Variants in TMEM33 observed in about 807,000 individuals in gnomAD.
TMEM33 encodes transmembrane protein 33.
A neutral mutation model predicts 29.7 loss-of-function variants in TMEM33; 16 were observed. The ratio of observed to expected loss-of-function variants is 0.54; its 90% CI spans 0.36 to 0.82. The LOEUF is 0.82. TMEM33 is among the 40% of genes least tolerant of loss of function. The pLI, the probability that TMEM33 is intolerant of heterozygous loss-of-function variation, is 0.00. For synonymous variants in TMEM33, 112 were observed against 109.4 expected (o/e 1.02, Z -0.15); for missense variants, 252 against 295.3 (o/e 0.85, Z 1.08).
At position 41,958,047 on chromosome 4, in the gene TMEM33, C is replaced by T. The variant is rs1435006493; in HGVS notation, c.*3848C>T. On this transcript the variant is annotated 3_prime_UTR_variant, in exon 7 of 7. Transcript: ENST00000504986. ...TTTGTTTTTGAGACGGAGTTTCACT[C>T]TTGTTGGCCAGGCTGGAGTGCAATG... The T allele has an allele frequency of 6.5e-6, 1 of 152,940 alleles. No individual in the cohort carries two copies. Among genetic ancestry groups the T allele is most frequent in the Admixed American group, 6.5e-5 (1 of 15,282 alleles). 9.5% of individuals were successfully genotyped at this position (152,940 alleles called of 1,614,324 possible).
chr4:41,935,534 G>A lies in TMEM33; in HGVS notation c.45+5G>A. 1 of 1,605,340 alleles carries A rather than the reference G, an allele frequency of 6.2e-7. No individual in the cohort carries two copies. Among genetic ancestry groups the A allele is most frequent in the Non-Finnish European group, 8.5e-7 (1 of 1,176,040 alleles). ...CCCCAAGGGGCGGGCGCTGTGGTAA[G>A]TGCGAGGGCAGGGTAGTCTGGCTTG... is the stretch of plus-strand genomic sequence containing the variant. On this transcript the variant is annotated splice_donor_5th_base_variant and intron_variant, in intron 1 of 6. Transcript: ENST00000504986.
chr4:41,942,427 A>G (rs190157459), intron 3 of TMEM33, among the ~76,000 whole-genome samples: 257 of 152,274 alleles, frequency 1.7e-3, no homozygotes, highest in African/African-American at 5.8e-3. Context: ...TTGCTTGTCA[A>G]TTGGAAACTG....
intron 1 of TMEM33, among the ~76,000 whole-genome samples, chr4:41,938,274 CACAG>C (rs1393394850): frequency 6.6e-6 from 1 of 152,180 alleles, no homozygotes; most frequent in Non-Finnish European, 1.5e-5. Flanking sequence ...GTTAAAGGAA[CACAG>C]ACAATTGTAG....
Position 41,954,322 on chromosome 4 carries a change from G to A in TMEM33, c.*123G>A. The stretch of plus-strand genomic sequence containing the variant: ...TCCAATTTACATAATTTACATAAAT[G>A]CATCTCGGTGGAAAAATAATCATTT... On this transcript the variant is annotated 3_prime_UTR_variant, in exon 7 of 7. Coordinates refer to ENST00000504986, the MANE Select transcript of TMEM33 (RefSeq NM_018126.3). 9.8e-7 allele frequency: 1 copy of A among 1,023,706 alleles called. No individual in the cohort carries two copies. Among genetic ancestry groups the A allele is most frequent in the East Asian group, 2.7e-5 (1 of 37,598 alleles). 63.4% of individuals were successfully genotyped at this position (1,023,706 alleles called of 1,614,324 possible).
At chr4:41,936,110 A>T (rs1712218031) in intron 1 of TMEM33, among the ~76,000 whole-genome samples, 1 of 152,228 alleles carries the variant, frequency 6.6e-6, no homozygotes. Flanking sequence ...TTAATCCATA[A>T]GTAGTTAAGT....
chr4:41,953,822 C>A (rs773573043), intron 6 of TMEM33: 2 of 512,988 alleles, frequency 3.9e-6, no homozygotes, highest in South Asian at 1.5e-5. Flanking sequence ...CAGAACAGAT[C>A]ACAGATCACC....
intron 3 of TMEM33, among the ~76,000 whole-genome samples, chr4:41,940,621 A>C (rs1198588521): frequency 6.6e-6 from 1 of 151,910 alleles, no homozygotes; most frequent in East Asian, 1.9e-4. Flanking sequence ...CATCCTGGCT[A>C]ATATGGCGAA....
At chr4:41,938,800 A>T in intron 2 of TMEM33, 104 bp downstream of exon 2, 1 of 1,044,462 alleles carries the variant, frequency 9.6e-7, no homozygotes, top group African/African-American at 1.6e-5. Flanking sequence ...GGGTTTAGGG[A>T]CAAATAAAAT....
chr4:41,947,195 C>T (rs1341466246), intron 5 of TMEM33, among the ~76,000 whole-genome samples: 1 of 150,812 alleles, frequency 6.6e-6, no homozygotes, highest in Admixed American at 6.6e-5. Flanking sequence ...GAGATCGTGC[C>T]ACTGCGCTCC....
At chr4:41,948,424 A>G (rs1459364944) in intron 5 of TMEM33, among the ~76,000 whole-genome samples, 3 of 152,074 alleles carry the variant, frequency 2.0e-5, no homozygotes, top group Admixed American at 2.0e-4. Context: ...GGGAAAATGG[A>G]TGTTGCATTT....
chr4:41,947,158 C>A (rs1262419440), intron 5 of TMEM33, among the ~76,000 whole-genome samples: 1 of 151,758 alleles, frequency 6.6e-6, no homozygotes, highest in Non-Finnish European at 1.5e-5. Context: ...ATCGCTTGAA[C>A]CCTGGAGGCA....
chr4:41,936,370 A>G (rs1358038520), intron 1 of TMEM33, among the ~76,000 whole-genome samples: 2 of 152,092 alleles, frequency 1.3e-5, no homozygotes, highest in Non-Finnish European at 2.9e-5. Context: ...GCGAGACCTC[A>G]TCTCTACTAG....
chr4:41,939,099 A>G, intron 2 of TMEM33, 97 bp from the exon 3 acceptor site: 1 of 1,229,458 alleles, frequency 8.1e-7, no homozygotes, highest in South Asian at 1.7e-5. Context: ...TTGACAAGTG[A>G]TTTAGGTGTT....
intron 3 of TMEM33, among the ~76,000 whole-genome samples, chr4:41,940,682 G>A (rs1712496157): frequency 6.6e-6 from 1 of 151,868 alleles, no homozygotes; most frequent in African/African-American, 2.4e-5. Context: ...GGTGGCATGT[G>A]CCTGTAGTCC....
chr4:41,947,234 CA>C (rs527622236), intron 5 of TMEM33, among the ~76,000 whole-genome samples: 17,453 of 126,368 alleles, frequency 0.14, 1,511 homozygotes, highest in African/African-American at 0.29. Flanking sequence ...GACTCCCTCT[CA>C]AAAAAAAAAA....
chr4:41,958,700 C>CCTTTTTTTTTTTTTTTTTTT lies in TMEM33; in HGVS notation c.*4501_*4502insCTTTTTTTTTTTTTTTTTTT, dbSNP rs1560522140. 1.1e-5 allele frequency: 1 copy of CCTTTTTTTTTTTTTTTTTTT among 93,786 alleles called. No homozygotes were observed. The highest frequency in any genetic ancestry group is 2.1e-5 in the Non-Finnish European group (1 of 47,336). The allele number at this position is 93,786 out of a possible 1,614,324, so 5.8% of individuals were successfully genotyped here. A position where few individuals can be genotyped will look rare whatever the true frequency, so the allele number is the denominator to read the frequency against. On this transcript the variant is annotated 3_prime_UTR_variant, in exon 7 of 7. Transcript: ENST00000504986. ...GTAGAGACAACTAGTTTCTCTCGCT[C>CCTTTTTTTTTTTTTTTTTTT]TTTTTTTTTTTTTTTTTTTTTTTTT... is the stretch of plus-strand genomic sequence containing the variant.
intron 6 of TMEM33, among the ~76,000 whole-genome samples, chr4:41,952,146 GAA>G (rs993841988): frequency 6.6e-6 from 1 of 152,152 alleles, no homozygotes; most frequent in African/African-American, 2.4e-5. Context: ...GGGCTTGAGA[GAA>G]AAGAGTAAAT....
At chr4:41,941,242 A>G (rs979077951) in intron 3 of TMEM33, among the ~76,000 whole-genome samples, 2 of 152,224 alleles carry the variant, frequency 1.3e-5, no homozygotes, top group Non-Finnish European at 2.9e-5. Flanking sequence ...TGATTACTAT[A>G]CTACAACTGT....
Position 41,938,493 on chromosome 4 carries a change from A to T in TMEM33, c.46-109A>T, listed in dbSNP as rs897546892. The T allele has an allele frequency of 3.9e-5, 41 of 1,038,500 alleles. No individual in the cohort carries two copies. The Admixed American group carries it at 8.2e-4, about 21-fold the overall frequency. 64.3% of individuals were successfully genotyped at this position (1,038,500 alleles called of 1,614,324 possible). A position where few individuals can be genotyped will look rare whatever the true frequency, so the allele number is the denominator to read the frequency against. On this transcript the variant is annotated intron_variant, in intron 1 of 6. Coordinates refer to ENST00000504986, the MANE Select transcript of TMEM33 (RefSeq NM_018126.3). ...TTTCACCTAATGATCTAAAAAAACA[A>T]ATGGAGGAAGATTAAAATATTTTGA...
Sources: allele counts gnomAD v4.1 joint callset (sites outside exome capture counted in the v4.1 genomes callset), GRCh38; gene constraint gnomAD v4.1.1; transcripts MANE v1.5; gene names NCBI Gene and HGNC (gene_info 2026-07-23, HGNC 2026-07-21).